Variants in ASPSCR1 observed in about 807,000 individuals in gnomAD.
The protein encoded by ASPSCR1 is ASPSCR1 tether for SLC2A4, UBX domain containing.
In ASPSCR1, 55 loss-of-function variants were observed where a neutral mutation model predicts 68.9. That is an observed-to-expected ratio of 0.80 (90% CI 0.64 to 1.00). The LOEUF (loss-of-function observed/expected upper bound fraction) is 1.00, where lower values mean the gene tolerates loss of function less well. ASPSCR1 is among the 50% of genes least tolerant of loss of function. ASPSCR1 has a pLI of 0.00. For synonymous variants in ASPSCR1, 352 were observed against 332.6 expected, an observed-to-expected ratio of 1.06 and a Z score of -0.63; for missense variants, 765 against 762.2, an observed-to-expected ratio of 1.00 and a Z score of -0.04.
At position 82,016,474 on chromosome 17, in the gene ASPSCR1, A is replaced by G. The variant is rs1472553199; in HGVS notation, c.1354-2A>G. On this transcript the variant is annotated splice_acceptor_variant, in intron 12 of 15. Transcript: ENST00000306739. LOFTEE classifies it high-confidence loss of function. ...CCCCTGAGCCCCCCGCCCTCCCTGC[A>G]GGCGAACCTCTTCCCGGCCGCTCTG... The G allele has an allele frequency of 6.5e-7, 1 of 1,548,248 alleles. No homozygotes were observed. The highest frequency in any genetic ancestry group is 2.0e-5 in the Admixed American group (1 of 51,116).
chr17:82,011,718 T>C, intron 11 of ASPSCR1, 113 bp downstream of exon 11: 1 of 1,191,548 alleles, frequency 8.4e-7, no homozygotes, highest in Non-Finnish European at 1.2e-6. Flanking sequence ...AGGAGCAGCA[T>C]CTGTGGCCTC....
In ASPSCR1 at chr17:82,009,491, G is replaced by T. The variant is rs996593288; in HGVS notation, c.1094G>T (p.Arg365Leu). The stretch of plus-strand genomic sequence containing the variant: ...CCTTCCCCTCCTCACCACAGGAAGC[G>T]CCTGGAAGAAGCCCCCTTGGTGACC... ...RLAQLKSERK[R>L]LEEAPLVTKA... Residue 365 changes from arginine (R) to leucine (L), a missense_variant, in exon 9 of 16, where the codon CGC (arginine) becomes CTC (leucine). Arg to Leu is a moderately radical substitution (Grantham distance 102). Transcript: ENST00000306739. 1 of 1,578,856 alleles carries T rather than the reference G, an allele frequency of 6.3e-7. No individual in the cohort carries two copies. The highest frequency in any genetic ancestry group is 1.2e-5 in the South Asian group (1 of 86,378).
Position 81,996,838 on chromosome 17 carries a change from C to T in ASPSCR1, c.925C>T (p.Arg309Trp), listed in dbSNP as rs774394455. The T allele has an allele frequency of 2.3e-5, 36 of 1,597,550 alleles. No homozygotes were observed. Among genetic ancestry groups the T allele is most frequent in the East Asian group, 2.0e-4 (9 of 44,768 alleles). Reference protein sequence around the residue: ...RERDPQQEQERERPVDREPVD... With the variant: ...RERDPQQEQEWERPVDREPVD... Reference sequence around the variant, plus strand: ...GCGGGATCCCCAGCAGGAGCAGGAGCGGGAGCGGGTAAAAGGGGCTCTAGG... The same window carrying T: ...GCGGGATCCCCAGCAGGAGCAGGAGTGGGAGCGGGTAAAAGGGGCTCTAGG... The change falls in exon 7 of 16, where the codon CGG (arginine) becomes TGG (tryptophan). Residue 309 changes from arginine (R) to tryptophan (W), a missense_variant. By Grantham distance (101) the Arg-to-Trp change is moderately radical (BLOSUM62 -3). Transcript: ENST00000306739.
Position 81,993,082 on chromosome 17 carries a change from C to T in ASPSCR1, c.375-1739C>T, listed in dbSNP as rs115022010. On this transcript the variant is annotated intron_variant, in intron 4 of 15. Coordinates refer to ENST00000306739, the MANE Select transcript of ASPSCR1 (RefSeq NM_024083.4). ...AAAGGCCACGAAACAAAAGAAAACA[C>T]GTCAAACCCACACACGTGGCCGAGT... Among the ~76,000 whole-genome samples, 357 of 152,256 alleles carry T rather than the reference C, an allele frequency of 2.3e-3. 3 individuals carry two copies. Among genetic ancestry groups the T allele is most frequent in the African/African-American group, 8.1e-3 (338 of 41,552 alleles).
chr17:81,992,311 G>T (rs185980513), intron 4 of ASPSCR1, among the ~76,000 whole-genome samples: 252 of 152,274 alleles, frequency 1.7e-3, no homozygotes, highest in Admixed American at 3.5e-3. Context: ...CCTGCACACT[G>T]GGCCGGCGTA....
chr17:82,016,752 A>T, intron 13 of ASPSCR1, 48 bp from the exon 14 acceptor site: 1 of 1,581,950 alleles, frequency 6.3e-7, no homozygotes, highest in Non-Finnish European at 8.6e-7. Flanking sequence ...GTGGATGGTG[A>T]GTGGACCCCT....
chr17:82,010,998 G>T (rs2042919513), intron 10 of ASPSCR1, 130 bp downstream of exon 10: 2 of 1,101,368 alleles, frequency 1.8e-6, no homozygotes, highest in Non-Finnish European at 2.6e-6. Flanking sequence ...GTGGGTGCGG[G>T]TGCTGATGTC....
chr17:82,009,220 T>C (rs764504665), intron 8 of ASPSCR1, 29 bp downstream of exon 8: 13 of 1,574,076 alleles, frequency 8.3e-6, no homozygotes, highest in Non-Finnish European at 1.1e-5. Context: ...CCTCCCGGCA[T>C]CTTCGCGCCA....
At chr17:81,981,352 G>T (rs191326587) in intron 2 of ASPSCR1, among the ~76,000 whole-genome samples, 9 of 152,092 alleles carry the variant, frequency 5.9e-5, no homozygotes, top group South Asian at 4.2e-4. Context: ...GGTTGGGGGG[G>T]GCTTAGGGTT....
rs2041864136 is a variant in ASPSCR1, at chr17:81,983,501, C to CGGGGCGTGG, written c.159-53_159-52insGGGGCGTGG. 9.0e-6 allele frequency: 13 copies of CGGGGCGTGG among 1,440,192 alleles called. No individual in the cohort carries two copies. Among genetic ancestry groups the CGGGGCGTGG allele is most frequent in the Middle Eastern group, 1.7e-4 (1 of 5,746 alleles). The allele number at this position is 1,440,192 out of a possible 1,614,324, so 89.2% of individuals were successfully genotyped here. On this transcript the variant is annotated intron_variant, in intron 2 of 15. Coordinates refer to ENST00000306739, the MANE Select transcript of ASPSCR1 (RefSeq NM_024083.4). The surrounding 1 kb of genome is among the most constrained non-coding windows in gnomAD (Gnocchi z 4.4). ...GACGGGGATGGCGGGGCGTGGATGG[C>CGGGGCGTGG]AGGGCGTGTCAGGCTCTGCAGGGCA... is the stretch of plus-strand genomic sequence containing the variant.
intron 13 of ASPSCR1, 37 bp from the exon 14 acceptor site, chr17:82,016,763 C>T (rs775411504): frequency 9.4e-6 from 15 of 1,596,662 alleles, no homozygotes; most frequent in Non-Finnish European, 1.3e-5. Flanking sequence ...GTGGACCCCT[C>T]CTCAGAGGCT....
chr17:82,016,369 C>A, intron 12 of ASPSCR1, 107 bp from the exon 13 acceptor site: 1 of 1,020,064 alleles, frequency 9.8e-7, no homozygotes, highest in Non-Finnish European at 1.4e-6. Context: ...GCAGGCAGAG[C>A]CTGTCTGAGG....
At chr17:82,002,760 G>GT (rs1431297744) in intron 7 of ASPSCR1, among the ~76,000 whole-genome samples, 2 of 152,044 alleles carry the variant, frequency 1.3e-5, no homozygotes, top group Admixed American at 6.5e-5. Context: ...GTTTTACCAT[G>GT]TTTGTCAGGC....
intron 1 of ASPSCR1, among the ~76,000 whole-genome samples, 189 bp from the exon 2 acceptor site, chr17:81,978,995 T>G (rs2041707617): frequency 1.3e-5 from 2 of 150,928 alleles, no homozygotes; most frequent in South Asian, 2.1e-4. Context: ...GGAGGGAGAG[T>G]GGACAGGATT....
At chr17:82,010,468 A>G (rs570546494) in intron 9 of ASPSCR1, among the ~76,000 whole-genome samples, 33 of 150,442 alleles carry the variant, frequency 2.2e-4, no homozygotes, top group East Asian at 1.2e-3. Context: ...GGTGGAGCTT[A>G]CAGTGAGCCG....
Position 81,987,053 on chromosome 17 carries a change from C to T in ASPSCR1, c.374+1446C>T, listed in dbSNP as rs558966925. Among the ~76,000 whole-genome samples, 6 of 151,392 alleles carry T rather than the reference C, an allele frequency of 4.0e-5. No homozygotes were observed. Among genetic ancestry groups the T allele is most frequent in the African/African-American group, 9.7e-5 (4 of 41,104 alleles). On this transcript the variant is annotated intron_variant, in intron 4 of 15. Transcript: ENST00000306739. The surrounding 1 kb of genome is among the most constrained non-coding windows in gnomAD (Gnocchi z 5.6). ...AGCCAAAGCCACGGGCAGGGGTGAGCGGGACCCGAGGCAGGAGATGACGGA... is the reference window on the plus strand; with the variant it reads ...AGCCAAAGCCACGGGCAGGGGTGAGTGGGACCCGAGGCAGGAGATGACGGA...
At chr17:81,984,771 ACCCACACACACCCACACACACC>A (rs2041911099) in intron 3 of ASPSCR1, among the ~76,000 whole-genome samples, 1 of 150,570 alleles carries the variant, frequency 6.6e-6, no homozygotes, top group East Asian at 2.0e-4. Context: ...GCCTGCATGT[ACCCACACACACCCACACACACC>A]CCCACACACC....
chr17:81,999,440 A>G lies in ASPSCR1; in HGVS notation c.933+2594A>G, dbSNP rs913491820. 2.6e-5 allele frequency among the ~76,000 whole-genome samples: 4 copies of G among 152,314 alleles called. No homozygotes were observed. The South Asian group carries it at 8.3e-4, about 32-fold the overall frequency. ...TCAGGAGTTTGAGACCAGCCTGGAC[A>G]ACATGGCAAAACCCTGTCTCTACCA... On this transcript the variant is annotated intron_variant, in intron 7 of 15. Coordinates refer to ENST00000306739, the MANE Select transcript of ASPSCR1 (RefSeq NM_024083.4). This position sits in a 1 kb window ranked among gnomAD's most constrained non-coding sequence, Gnocchi z 4.4.
At position 82,017,088 on chromosome 17, in the gene ASPSCR1, G is replaced by A. The variant is rs1429851570; in HGVS notation, c.1623G>A (p.Lys541=). ...AGCCCGTGAAGAGGAGCCTGGGCAA[G>A]GTGCCCAAGTGGCTGAAGCTGCCGG... is the stretch of plus-strand genomic sequence containing the variant. ...TAQPVKRSLG[K]VPKWLKLPAS... The change falls in exon 15 of 16, where the codon AAG becomes AAA. Residue 541 remains lysine (K), a synonymous_variant. Coordinates refer to ENST00000306739, the MANE Select transcript of ASPSCR1 (RefSeq NM_024083.4). 1.2e-6 allele frequency: 2 copies of A among 1,603,332 alleles called. No individual in the cohort carries two copies. The highest frequency in any genetic ancestry group is 2.7e-5 in the African/African-American group (2 of 74,784).
Sources: allele counts gnomAD v4.1 joint callset (sites outside exome capture counted in the v4.1 genomes callset), GRCh38; gene constraint gnomAD v4.1.1; non-coding constraint Gnocchi (gnomAD v3.1); transcripts MANE v1.5; gene names NCBI Gene and HGNC (gene_info 2026-07-23, HGNC 2026-07-21).